The following SH3D19 variants were observed in gnomAD, a reference collection of about 807,000 sequenced individuals.
SH3D19 encodes SH3 domain containing 19.
Under a neutral mutation model 112.1 loss-of-function variants are expected in SH3D19, and 58 were observed. That is an observed-to-expected ratio of 0.52 (90% CI 0.42 to 0.64). The LOEUF is 0.64. Among genes scored for constraint, SH3D19 ranks in the 30% least tolerant of loss-of-function variants. The pLI, the probability that SH3D19 is intolerant of heterozygous loss-of-function variation, is 0.00. For synonymous variants in SH3D19, 391 were observed against 448.5 expected (o/e 0.87, Z 1.62); for missense variants, 1,090 against 1,263.4 (o/e 0.86, Z 2.08).
intron 12 of SH3D19, among the ~76,000 whole-genome samples, chr4:151,141,260 G>T (rs1752926991): frequency 6.6e-6 from 1 of 151,992 alleles, no homozygotes; most frequent in South Asian, 2.1e-4. Context: ...AAAGTAGCTG[G>T]GACTACAGAC....
chr4:151,211,611 A>C (rs1252391196), intron 2 of SH3D19, among the ~76,000 whole-genome samples: 1 of 152,128 alleles, frequency 6.6e-6, no homozygotes, highest in African/African-American at 2.4e-5. Flanking sequence ...AAGGAAATTA[A>C]ATGTGCTATC....
intron 8 of SH3D19, among the ~76,000 whole-genome samples, chr4:151,165,379 G>GGGGAAA (rs1375009384): frequency 6.6e-6 from 1 of 151,784 alleles, no homozygotes; most frequent in Admixed American, 6.6e-5. Context: ...GGGAAGCGAA[G>GGGGAAA]GGGAAAGGGA....
chr4:151,177,125 A>T (rs562671609), intron 4 of SH3D19, among the ~76,000 whole-genome samples, 170 bp from the exon 5 acceptor site: 78 of 152,384 alleles, frequency 5.1e-4, no homozygotes, highest in African/African-American at 1.6e-3. Context: ...GTACACCCAG[A>T]CAGGCTTCAA....
chr4:151,178,991 C>T (rs1760395741), intron 4 of SH3D19, among the ~76,000 whole-genome samples: 1 of 152,098 alleles, frequency 6.6e-6, no homozygotes, highest in African/African-American at 2.4e-5. Flanking sequence ...TTTATCCTTC[C>T]ATTCAATTTT....
intron 11 of SH3D19, among the ~76,000 whole-genome samples, chr4:151,147,010 C>A (rs1754038810): frequency 6.6e-6 from 1 of 152,140 alleles, no homozygotes; most frequent in African/African-American, 2.4e-5. Context: ...AAAAACCATC[C>A]ATCTTAGTAA....
intron 1 of SH3D19, among the ~76,000 whole-genome samples, chr4:151,281,993 A>C (rs895308406): frequency 1.3e-5 from 2 of 152,086 alleles, no homozygotes; most frequent in African/African-American, 4.8e-5. Context: ...AGAGGAAAGA[A>C]GGAGACAAAT....
intron 1 of SH3D19, among the ~76,000 whole-genome samples, chr4:151,246,673 C>G (rs555174905): frequency 6.6e-6 from 1 of 152,132 alleles, no homozygotes; most frequent in Non-Finnish European, 1.5e-5. Flanking sequence ...TCGACATTGT[C>G]AGGTACTTAC....
intron 2 of SH3D19, among the ~76,000 whole-genome samples, chr4:151,204,158 A>G (rs1256910300): frequency 1.3e-5 from 2 of 152,236 alleles, no homozygotes; most frequent in Admixed American, 1.3e-4. Flanking sequence ...AAAACCCTAC[A>G]TGAATTAGCA....
At chr4:151,317,536 A>G (rs1159518672) in intron 1 of SH3D19, among the ~76,000 whole-genome samples, 1 of 152,212 alleles carries the variant, frequency 6.6e-6, no homozygotes. Context: ...GACTAGTGTG[A>G]GAGAGGGAAA....
chr4:151,244,542 G>A (rs7660476), intron 1 of SH3D19, among the ~76,000 whole-genome samples: 3,285 of 152,190 alleles, frequency 0.022, 127 homozygotes, highest in African/African-American at 0.075. Context: ...AAGATTATTC[G>A]AACTGAGATT....
At chr4:151,294,428 C>A (rs978406386) in intron 1 of SH3D19, among the ~76,000 whole-genome samples, 1 of 152,204 alleles carries the variant, frequency 6.6e-6, no homozygotes, top group Admixed American at 6.5e-5. Context: ...GGCCATGCAA[C>A]TGCAAAAAAA....
intron 1 of SH3D19, chr4:151,280,053 A>AGGAAACCCAGG (rs1774047305): frequency 2.9e-6 from 4 of 1,402,072 alleles, no homozygotes; most frequent in South Asian, 1.3e-5. Context: ...AAGTGGTAAA[A>AGGAAACCCAGG]TAGGCAGGGC....
At chr4:151,218,551 T>C (rs989712923) in intron 2 of SH3D19, among the ~76,000 whole-genome samples, 1 of 152,138 alleles carries the variant, frequency 6.6e-6, no homozygotes, top group Non-Finnish European at 1.5e-5. Flanking sequence ...CAGCTAGGAC[T>C]ACAGGCATGA....
At chr4:151,287,424 T>TCA (rs1157784957) in intron 1 of SH3D19, among the ~76,000 whole-genome samples, 1 of 149,790 alleles carries the variant, frequency 6.7e-6, no homozygotes, top group African/African-American at 2.5e-5. Context: ...GACAAAGGCA[T>TCA]CACAAGGAAG....
intron 1 of SH3D19, among the ~76,000 whole-genome samples, chr4:151,304,126 C>T (rs1425534950): frequency 6.6e-6 from 1 of 151,994 alleles, no homozygotes; most frequent in Non-Finnish European, 1.5e-5. Context: ...CTCTGATTAT[C>T]TTAATCAGTT....
Position 151,172,459 on chromosome 4 carries a change from G to C in SH3D19, c.1534+2211C>G, listed in dbSNP as rs531078657. 9.2e-5 allele frequency among the ~76,000 whole-genome samples: 14 copies of C among 152,328 alleles called. No homozygotes were observed. In the East Asian group the frequency reaches 2.5e-3, roughly 27 times the overall value. The stretch of plus-strand genomic sequence containing the variant: ...AGTCATCAGAGTGTAAAGGCCTAAA[G>C]TGGGGCAGAAGAGGGAAGGATGAAA... On this transcript the variant is annotated intron_variant, in intron 7 of 19. Transcript: ENST00000604030.
At chr4:151,304,487 T>C (rs761110039) in intron 1 of SH3D19, among the ~76,000 whole-genome samples, 2 of 152,202 alleles carry the variant, frequency 1.3e-5, no homozygotes, top group Non-Finnish European at 2.9e-5. Context: ...CACAAAGAAC[T>C]GTAATAATTT....
intron 2 of SH3D19, among the ~76,000 whole-genome samples, chr4:151,197,681 A>G (rs1373987760): frequency 6.6e-6 from 1 of 152,238 alleles, no homozygotes; most frequent in Admixed American, 6.5e-5. Context: ...GTGTTTAGAC[A>G]GCAGAAGGGA....
intron 9 of SH3D19, among the ~76,000 whole-genome samples, chr4:151,157,278 A>G (rs1756299662): frequency 6.6e-6 from 1 of 151,940 alleles, no homozygotes; most frequent in Non-Finnish European, 1.5e-5. Flanking sequence ...AAAACGGCAA[A>G]TGATCTGGGT....
Sources: gnomAD v4.1 joint callset for allele counts (sites outside exome capture counted in the v4.1 genomes callset) on GRCh38, gnomAD v4.1.1 for gene constraint, MANE v1.5 for transcripts, NCBI Gene and HGNC (gene_info 2026-07-23, HGNC 2026-07-21) for gene names.